AKAP6: variants seen among roughly 807,000 people sequenced by gnomAD.
AKAP6 encodes the protein A-kinase anchoring protein 6, also known as A-kinase anchor protein 6.
AKAP6 carries 58 observed loss-of-function variants against 188.5 expected under a neutral mutation model. The ratio of observed to expected loss-of-function variants is 0.31; its 90% CI spans 0.25 to 0.38. The LOEUF (loss-of-function observed/expected upper bound fraction) is 0.38, where lower values mean the gene tolerates loss of function less well. AKAP6 is among the 10% of genes least tolerant of loss of function. The pLI is 1.00. For synonymous variants in AKAP6, 989 were observed against 998.6 expected (o/e 0.99, Z 0.18); for missense variants, 2,710 against 2,740.0 (o/e 0.99, Z 0.24).
intron 2 of AKAP6, among the ~76,000 whole-genome samples, chr14:32,499,168 G>C (rs1357452267): frequency 6.6e-6 from 1 of 152,118 alleles, no homozygotes; most frequent in Non-Finnish European, 1.5e-5. Flanking sequence ...CCTGAAGAAA[G>C]TGAAGCATCT....
chr14:32,404,713 AG>A (rs1889228612), intron 1 of AKAP6, among the ~76,000 whole-genome samples: 2 of 9,610 alleles, frequency 2.1e-4, no homozygotes, highest in Non-Finnish European at 7.3e-4. Context: ...TATATATATT[AG>A]TCAGAATGTC....
chr14:32,380,498 T>C (rs998882033), intron 1 of AKAP6, among the ~76,000 whole-genome samples: 2 of 152,208 alleles, frequency 1.3e-5, no homozygotes, highest in African/African-American at 4.8e-5. Flanking sequence ...TGAATGAAGA[T>C]TTTGAAAGGT....
intron 7 of AKAP6, among the ~76,000 whole-genome samples, chr14:32,672,804 CA>C (rs1471414911): frequency 6.6e-6 from 1 of 152,152 alleles, no homozygotes; most frequent in Non-Finnish European, 1.5e-5. Flanking sequence ...ACTGCTGATT[CA>C]ACTTCTTGAT....
At chr14:32,581,609 T>A (rs1180177064) in intron 5 of AKAP6, among the ~76,000 whole-genome samples, 1 of 152,112 alleles carries the variant, frequency 6.6e-6, no homozygotes, top group Non-Finnish European at 1.5e-5. Context: ...AAGTCTCCCA[T>A]TATTATTGTG....
At chr14:32,472,859 G>A (rs977619858) in intron 2 of AKAP6, among the ~76,000 whole-genome samples, 1 of 152,008 alleles carries the variant, frequency 6.6e-6, no homozygotes, top group Non-Finnish European at 1.5e-5. Context: ...CTTAAAGGTC[G>A]TGAAAATAGA....
chr14:32,750,924 A>T (rs1191504666), intron 11 of AKAP6, among the ~76,000 whole-genome samples: 1 of 151,190 alleles, frequency 6.6e-6, no homozygotes, highest in African/African-American at 2.4e-5. Flanking sequence ...TTTAGTAGAG[A>T]TGGGGTTTCA....
chr14:32,673,346 A>T (rs571089228), intron 7 of AKAP6, among the ~76,000 whole-genome samples: 2 of 152,338 alleles, frequency 1.3e-5, no homozygotes, highest in East Asian at 3.9e-4. Flanking sequence ...GCGGTGCCTC[A>T]GGAGAAGTAA....
intron 2 of AKAP6, among the ~76,000 whole-genome samples, chr14:32,489,755 G>GT (rs1461983659): frequency 3.3e-5 from 5 of 152,162 alleles, no homozygotes; most frequent in Non-Finnish European, 7.3e-5. Context: ...TAATGCCCAT[G>GT]TAGGCATCTC....
At chr14:32,449,689 A>C (rs1278945810) in intron 2 of AKAP6, among the ~76,000 whole-genome samples, 1 of 152,188 alleles carries the variant, frequency 6.6e-6, no homozygotes. Flanking sequence ...TGGCCTGAGG[A>C]CTGATAATCT....
At chr14:32,482,390 C>T (rs1289797741) in intron 2 of AKAP6, among the ~76,000 whole-genome samples, 1 of 152,176 alleles carries the variant, frequency 6.6e-6, no homozygotes, top group African/African-American at 2.4e-5. Context: ...ACTTGCTCTT[C>T]TGACTTCCTG....
chr14:32,432,055 T>A (rs1890243585), intron 1 of AKAP6, among the ~76,000 whole-genome samples: 1 of 152,164 alleles, frequency 6.6e-6, no homozygotes, highest in African/African-American at 2.4e-5. Flanking sequence ...TAAAAATAAT[T>A]TTGCTTTTCT....
At chr14:32,510,450 ACATATATATG>A (rs1312699787) in intron 2 of AKAP6, among the ~76,000 whole-genome samples, 8 of 22,374 alleles carry the variant, frequency 3.6e-4, no homozygotes, top group Admixed American at 1.3e-3. Context: ...ATATATATAT[ACATATATATG>A]TGTATATATA....
intron 2 of AKAP6, chr14:32,474,632 A>G (rs898934114): frequency 6.6e-6 from 1 of 152,246 alleles, no homozygotes; most frequent in Non-Finnish European, 1.5e-5. Context: ...CACACACATT[A>G]AAGAAATAGG....
At chr14:32,505,309 G>A (rs1477129654) in intron 2 of AKAP6, among the ~76,000 whole-genome samples, 1 of 151,516 alleles carries the variant, frequency 6.6e-6, no homozygotes, top group Non-Finnish European at 1.5e-5. Flanking sequence ...TAGCAGGCAA[G>A]TTCCTTTTCA....
Position 32,823,370 on chromosome 14 carries a change from G to A in AKAP6, c.5557G>A (p.Val1853Ile). The change falls in exon 13 of 14, where the codon GTA becomes ATA. Residue 1853 changes from valine to isoleucine, a missense_variant. Val to Ile is a conservative substitution (Grantham distance 29, BLOSUM62 3). Coordinates refer to ENST00000280979, the MANE Select transcript of AKAP6 (RefSeq NM_004274.5). ...TATTGAGACCCTTCTAAATGGCTCT[G>A]TAAAACGTGTCTCTGAAAATAATGG... Reference protein sequence around the residue: ...LNIETLLNGSVKRVSENNGNG... With the variant: ...LNIETLLNGSIKRVSENNGNG... 1.9e-6 allele frequency: 3 copies of A among 1,613,838 alleles called. No homozygotes were observed. Among genetic ancestry groups the A allele is most frequent in the Non-Finnish European group, 2.5e-6 (3 of 1,179,898 alleles).
intron 1 of AKAP6, among the ~76,000 whole-genome samples, chr14:32,404,405 C>G (rs1889205236): frequency 6.6e-6 from 1 of 151,666 alleles, no homozygotes; most frequent in Non-Finnish European, 1.5e-5. Context: ...GGCAGTTTGT[C>G]AGATTTTACT....
At chr14:32,734,755 A>G (rs1374681968) in intron 10 of AKAP6, 1 of 152,034 alleles carries the variant, frequency 6.6e-6, no homozygotes, top group African/African-American at 2.4e-5. Context: ...AAGAAAGGCT[A>G]TTTTTCTGCT....
At position 32,380,869 on chromosome 14, in the gene AKAP6, A is replaced by C. The variant is rs529070802; in HGVS notation, c.-35+51461A>C. Among the ~76,000 whole-genome samples the C allele has an allele frequency of 2.0e-5, 3 of 152,180 alleles. No individual in the cohort carries two copies. In the South Asian group the frequency reaches 6.2e-4, roughly 32 times the overall value. On this transcript the variant is annotated intron_variant, in intron 1 of 13. Coordinates refer to ENST00000280979, the MANE Select transcript of AKAP6 (RefSeq NM_004274.5). ...TTTCTCAGATTTCAGTGAATATTTCACTTAAGACCCTCTTACAAAAGAGTT... is the reference window on the plus strand; with the variant it reads ...TTTCTCAGATTTCAGTGAATATTTCCCTTAAGACCCTCTTACAAAAGAGTT...
chr14:32,521,511 G>A (rs1881831861), intron 2 of AKAP6, among the ~76,000 whole-genome samples: 1 of 152,144 alleles, frequency 6.6e-6, no homozygotes, highest in Non-Finnish European at 1.5e-5. Context: ...AAATCAATGT[G>A]CAAAAATCAC....
Sources: allele counts gnomAD v4.1 joint callset (sites outside exome capture counted in the v4.1 genomes callset), GRCh38; gene constraint gnomAD v4.1.1; transcripts MANE v1.5; gene names NCBI Gene and HGNC (gene_info 2026-07-23, HGNC 2026-07-21).